DLG5: variants seen among roughly 807,000 people sequenced by gnomAD.
The protein encoded by DLG5 is disks large homolog 5.
DLG5 carries 48 observed loss-of-function variants against 189.8 expected under a neutral mutation model. The observed-to-expected ratio is 0.25, with a 90% CI of 0.20 to 0.32. The LOEUF (loss-of-function observed/expected upper bound fraction) is 0.32, where lower values mean the gene tolerates loss of function less well. Ranked by LOEUF, DLG5 falls within the 10% of genes least tolerant of loss-of-function variation. The pLI, the probability that DLG5 is intolerant of heterozygous loss-of-function variation, is 1.00. For synonymous variants in DLG5, 1,016 were observed against 1,054.1 expected (o/e 0.96, Z 0.70); for missense variants, 2,160 against 2,544.7 (o/e 0.85, Z 3.25).
At chr10:77,912,923 T>C (rs1235641150) in intron 1 of DLG5, among the ~76,000 whole-genome samples, 1 of 151,880 alleles carries the variant, frequency 6.6e-6, no homozygotes, top group African/African-American at 2.4e-5. Flanking sequence ...CTGTGAACTG[T>C]GGAGAACCCC....
intron 5 of DLG5, among the ~76,000 whole-genome samples, chr10:77,844,869 G>C (rs1189269473): frequency 2.0e-5 from 3 of 152,234 alleles, no homozygotes; most frequent in Admixed American, 1.3e-4. Flanking sequence ...ACTGGGCAGA[G>C]AGGGGGGCAG....
rs114545457 is a variant in DLG5, at chr10:77,861,475, G to A, written c.374-4583C>T. On this transcript the variant is annotated intron_variant, in intron 2 of 31. Transcript: ENST00000372391. ...AGAAGCTGGAGAGAGGAGAGGAGGC[G>A]GCAGGACAGAAGGAGGGGCTCAGAG... 4.8e-3 allele frequency among the ~76,000 whole-genome samples: 724 copies of A among 152,256 alleles called. 6 individuals are homozygous for A. Among genetic ancestry groups the A allele is most frequent in the African/African-American group, 0.016 (652 of 41,550 alleles).
chr10:77,819,845 T>C (rs1353814448), intron 16 of DLG5, 50 bp downstream of exon 16: 8 of 1,507,012 alleles, frequency 5.3e-6, no homozygotes, highest in Non-Finnish European at 7.1e-6. Flanking sequence ...AGACTAGGCA[T>C]CCCGAGTTTA....
At chr10:77,811,533 G>A (rs913083782) in intron 22 of DLG5, among the ~76,000 whole-genome samples, 10 of 152,012 alleles carry the variant, frequency 6.6e-5, no homozygotes, top group East Asian at 3.9e-4. Context: ...AGCTTGTGGC[G>A]CAGCACTGCA....
rs769060861 is a variant in DLG5 at position 77,805,675 on chromosome 10, T to G, written c.5154A>C (p.Pro1718=). 31 of 1,606,384 alleles carry G rather than the reference T, an allele frequency of 1.9e-5. No homozygotes were observed. The highest frequency in any genetic ancestry group is 2.4e-5 in the Non-Finnish European group (28 of 1,174,776). Residue 1718 remains proline (P), a synonymous_variant, in exon 27 of 32, where the codon CCA becomes CCC. Coordinates refer to ENST00000372391, the MANE Select transcript of DLG5 (RefSeq NM_004747.4). ...AGCTCAGCCACTTGCCTTCAAAGAG[T>G]GGAATGGAGTCACTGGAAAAGGCAT... The part of the protein sequence containing the change: ...ALDAFSSDSI[P]LFEDSVSLAY...
At chr10:77,908,795 G>T (rs1162364980) in intron 1 of DLG5, among the ~76,000 whole-genome samples, 3 of 152,010 alleles carry the variant, frequency 2.0e-5, no homozygotes, top group Non-Finnish European at 4.4e-5. Context: ...CCTGGGGGGT[G>T]GGGGGAGAGA....
At chr10:77,926,922 C>G (rs1435770383), upstream of DLG5, 5 of 354,738 alleles carry the variant, frequency 1.4e-5, no homozygotes, top group Non-Finnish European at 2.9e-5. This position sits in a 1 kb window ranked among gnomAD's most constrained non-coding sequence, Gnocchi z 5.2. Context: ...AGCCGGGCCG[C>G]GCGCCGCCCC....
chr10:77,816,129 C>T, intron 20 of DLG5: 1 of 483,514 alleles, frequency 2.1e-6, no homozygotes. Flanking sequence ...CCACTAACCA[C>T]GTGGCCACAG....
At chr10:77,930,283 CTTGG>C (rs1846774360), upstream of DLG5, among the ~76,000 whole-genome samples, 1 of 151,822 alleles carries the variant, frequency 6.6e-6, no homozygotes, top group Non-Finnish European at 1.5e-5. Context: ...CTGCTCACCG[CTTGG>C]TTGGTGCTTT....
chr10:77,876,438 A>C (rs1377549351), intron 1 of DLG5, among the ~76,000 whole-genome samples: 2 of 150,376 alleles, frequency 1.3e-5, no homozygotes, highest in African/African-American at 2.5e-5. Context: ...GCAGTGGCAC[A>C]ATCTTAGCTC....
the DLG5 span, among the ~76,000 whole-genome samples, chr10:77,937,618 T>C: frequency 6.6e-6 from 1 of 152,116 alleles, no homozygotes; most frequent in Non-Finnish European, 1.5e-5. Context: ...AAGGTTATTT[T>C]TGCATATCCC....
intron 20 of DLG5, 24 bp from the exon 21 acceptor site, chr10:77,812,401 G>A: frequency 1.9e-6 from 3 of 1,598,554 alleles, no homozygotes; most frequent in Non-Finnish European, 2.6e-6. Flanking sequence ...AAAAGTTTCG[G>A]GGACTCAGGG....
intron 7 of DLG5, among the ~76,000 whole-genome samples, chr10:77,839,083 C>T (rs889367806): frequency 1.4e-4 from 22 of 152,218 alleles, no homozygotes; most frequent in African/African-American, 5.1e-4. Context: ...CGGTGGTTGC[C>T]GCAAGGACGT....
At chr10:77,930,931 C>T (rs1205097562), upstream of DLG5, among the ~76,000 whole-genome samples, 1 of 151,242 alleles carries the variant, frequency 6.6e-6, no homozygotes, top group Non-Finnish European at 1.5e-5. Flanking sequence ...AGCGATTCTC[C>T]TGCTTCAGCC....
intron 1 of DLG5, among the ~76,000 whole-genome samples, chr10:77,900,361 A>G (rs1389822144): frequency 2.6e-5 from 4 of 152,090 alleles, no homozygotes; most frequent in African/African-American, 9.7e-5. Context: ...ACATTAATGC[A>G]TATCCTCACG....
chr10:77,873,273 G>C (rs1365668820), intron 1 of DLG5, among the ~76,000 whole-genome samples: 1 of 152,136 alleles, frequency 6.6e-6, no homozygotes, highest in Non-Finnish European at 1.5e-5. Flanking sequence ...AGCAGATGAG[G>C]GTGGGGTTTC....
At chr10:77,890,465 T>C (rs901541276) in intron 1 of DLG5, among the ~76,000 whole-genome samples, 4 of 152,156 alleles carry the variant, frequency 2.6e-5, no homozygotes, top group Non-Finnish European at 5.9e-5. Context: ...AGGTACATAA[T>C]ACCTCTCTGC....
chr10:77,861,654 C>A (rs1340677143), intron 2 of DLG5, among the ~76,000 whole-genome samples: 1 of 152,244 alleles, frequency 6.6e-6, no homozygotes, highest in Non-Finnish European at 1.5e-5. Flanking sequence ...ACCTTCAACT[C>A]ATTAATCTCC....
At chr10:77,865,362 G>A (rs1844633412) in intron 2 of DLG5, among the ~76,000 whole-genome samples, 1 of 152,078 alleles carries the variant, frequency 6.6e-6, no homozygotes, top group African/African-American at 2.4e-5. Context: ...CCACTTCCCT[G>A]ATGGCTCACC....
Sources: gnomAD v4.1 joint callset for allele counts (sites outside exome capture counted in the v4.1 genomes callset) on GRCh38, gnomAD v4.1.1 for gene constraint, Gnocchi (gnomAD v3.1) non-coding constraint, MANE v1.5 for transcripts, NCBI Gene and HGNC (gene_info 2026-07-23, HGNC 2026-07-21) for gene names.